Variants in AJAP1 observed in about 807,000 individuals in gnomAD.
AJAP1 encodes the protein adherens junctions associated protein 1, also known as adherens junction-associated protein 1.
In AJAP1, 5 loss-of-function variants were observed where a neutral mutation model predicts 35.0. The observed-to-expected ratio is 0.14, with a 90% confidence interval of 0.07 to 0.30. AJAP1 has a LOEUF of 0.30. Ranked by LOEUF, AJAP1 falls within the 10% of genes least tolerant of loss-of-function variation. AJAP1 has a pLI of 1.00. For synonymous variants in AJAP1, 284 were observed against 249.3 expected (o/e 1.14, Z -1.31); for missense variants, 586 against 571.0 (o/e 1.03, Z -0.27).
In AJAP1 at chr1:4,783,086, A is replaced by C. The variant is rs372689856; in HGVS notation, c.*601A>C. 582 of 366,384 alleles carry C rather than the reference A, an allele frequency of 1.6e-3. 1 individual carries two copies. The highest frequency in any genetic ancestry group is 2.5e-3 in the Non-Finnish European group (512 of 207,962). 22.7% of individuals were successfully genotyped at this position (366,384 alleles called of 1,614,324 possible). ...ACTGTAGCAATTTTTGAAGATCTTA[A>C]ATGTTCCTTTTTAAAAAAAAGAATT... On this transcript the variant is annotated 3_prime_UTR_variant, in exon 6 of 6. Transcript: ENST00000378191.
chr1:4,715,502 G>A (rs1346842633), intron 2 of AJAP1, among the ~76,000 whole-genome samples: 1 of 152,172 alleles, frequency 6.6e-6, no homozygotes, highest in Non-Finnish European at 1.5e-5. Flanking sequence ...TGACCAACAT[G>A]GAGAAACCCT....
chr1:4,712,770 C>A, intron 2 of AJAP1, 71 bp downstream of exon 2: 1 of 1,419,220 alleles, frequency 7.0e-7, no homozygotes, highest in Non-Finnish European at 9.4e-7. Flanking sequence ...GGGAGAGATG[C>A]TTAGATGTCC....
intron 1 of AJAP1, among the ~76,000 whole-genome samples, chr1:4,663,399 C>T (rs1639046634): frequency 6.6e-6 from 1 of 152,086 alleles, no homozygotes; most frequent in African/African-American, 2.4e-5. Flanking sequence ...ACAGAAGGGG[C>T]AGCCCTCAAG....
At chr1:4,668,155 A>G (rs1639176137) in intron 1 of AJAP1, among the ~76,000 whole-genome samples, 4 of 152,000 alleles carry the variant, frequency 2.6e-5, no homozygotes, top group Admixed American at 2.6e-4. Context: ...CAGAGGTTGC[A>G]GTGAGCTGAG....
chr1:4,733,189 C>T (rs551440744), intron 2 of AJAP1, among the ~76,000 whole-genome samples: 69 of 152,122 alleles, frequency 4.5e-4, no homozygotes, highest in Non-Finnish European at 8.2e-4. Context: ...AGCAGAACCC[C>T]CAGGGCTTGG....
chr1:4,688,148 C>T (rs927167577), intron 1 of AJAP1, among the ~76,000 whole-genome samples: 3 of 152,104 alleles, frequency 2.0e-5, no homozygotes, highest in African/African-American at 4.8e-5. Flanking sequence ...GAGCGGTGGC[C>T]CCAGTGAGAC....
Position 4,784,009 on chromosome 1 carries a change from A to G in AJAP1, c.*1524A>G, listed in dbSNP as rs957174913. On this transcript the variant is annotated 3_prime_UTR_variant, in exon 6 of 6. Transcript: ENST00000378191. ...AAGGGTGACTTGGAATCTTGGGGGA[A>G]GCCTCGGCAAAGATGCCGTTCTCCC... The G allele has an allele frequency of 6.6e-6, 1 of 152,146 alleles. No homozygotes were observed. The highest frequency in any genetic ancestry group is 2.4e-5 in the African/African-American group (1 of 41,410). 9.4% of individuals were successfully genotyped at this position (152,146 alleles called of 1,614,324 possible). A position where few individuals can be genotyped will look rare whatever the true frequency, so the allele number is the denominator to read the frequency against.
chr1:4,660,096 AACACCACC>A (rs1469093764), intron 1 of AJAP1, among the ~76,000 whole-genome samples: 1 of 152,242 alleles, frequency 6.6e-6, no homozygotes, highest in Non-Finnish European at 1.5e-5. Flanking sequence ...CCGGACCGGT[AACACCACC>A]ACACCACCAG....
At chr1:4,687,550 A>T (rs1374636118) in intron 1 of AJAP1, among the ~76,000 whole-genome samples, 3 of 152,172 alleles carry the variant, frequency 2.0e-5, no homozygotes, top group Non-Finnish European at 4.4e-5. Context: ...GAGAAGGAAC[A>T]AGGAGTTTCA....
chr1:4,702,940 C>G (rs1348654860), intron 1 of AJAP1, among the ~76,000 whole-genome samples: 1 of 152,134 alleles, frequency 6.6e-6, no homozygotes, highest in African/African-American at 2.4e-5. Flanking sequence ...GCCAGAGATT[C>G]CGCGATGGGA....
intron 1 of AJAP1, among the ~76,000 whole-genome samples, chr1:4,658,348 T>A (rs1015232351): frequency 2.6e-5 from 4 of 152,216 alleles, no homozygotes; most frequent in Non-Finnish European, 5.9e-5. Context: ...GCCCTCTCAG[T>A]GCGCGCTGTA....
intron 2 of AJAP1, among the ~76,000 whole-genome samples, chr1:4,715,242 A>G (rs989619572): frequency 6.6e-6 from 1 of 152,220 alleles, no homozygotes; most frequent in African/African-American, 2.4e-5. Context: ...CAGAGCTGCA[A>G]TCTGGGAGGC....
intron 1 of AJAP1, among the ~76,000 whole-genome samples, chr1:4,674,949 T>C (rs749499994): frequency 7.2e-5 from 11 of 152,254 alleles, no homozygotes; most frequent in Non-Finnish European, 1.5e-4. Context: ...CACGTTGCCA[T>C]GTGGCCATGG....
intron 1 of AJAP1, among the ~76,000 whole-genome samples, chr1:4,670,253 A>G (rs1049973305): frequency 2.0e-5 from 3 of 152,060 alleles, no homozygotes; most frequent in Non-Finnish European, 4.4e-5. Flanking sequence ...CTCCTTACAC[A>G]TCCCCAGGGA....
intron 3 of AJAP1, among the ~76,000 whole-genome samples, 182 bp downstream of exon 3, chr1:4,770,122 G>A (rs531970793): frequency 6.6e-6 from 1 of 152,342 alleles, no homozygotes; most frequent in African/African-American, 2.4e-5. Context: ...CCCTCTCCTG[G>A]TTTCCCTGCA....
rs560292068 is a variant in AJAP1 at position 4,692,169 on chromosome 1, G to A, written c.30-19731G>A. On this transcript the variant is annotated intron_variant, in intron 1 of 5. Coordinates refer to ENST00000378191, the MANE Select transcript of AJAP1 (RefSeq NM_018836.4). The surrounding 1 kb of genome is among the most constrained non-coding windows in gnomAD (Gnocchi z 4.4). Reference sequence around the variant, plus strand: ...TTCTCGAGGGTTAGGAGTCAGCCCCGCTTAATAGGTGAGGAAACTTAGGCA... The same window carrying A: ...TTCTCGAGGGTTAGGAGTCAGCCCCACTTAATAGGTGAGGAAACTTAGGCA... Among the ~76,000 whole-genome samples the A allele has an allele frequency of 7.9e-5, 12 of 152,134 alleles. No individual in the cohort carries two copies. Among genetic ancestry groups the A allele is most frequent in the African/African-American group, 2.7e-4 (11 of 41,438 alleles).
At chr1:4,660,284 CT>C (rs1477986554) in intron 1 of AJAP1, among the ~76,000 whole-genome samples, 9 of 152,218 alleles carry the variant, frequency 5.9e-5, no homozygotes, top group Non-Finnish European at 1.0e-4. Flanking sequence ...CATACTACTA[CT>C]GCTACAGATG....
At chr1:4,766,265 T>G (rs887595335) in intron 2 of AJAP1, among the ~76,000 whole-genome samples, 3 of 152,212 alleles carry the variant, frequency 2.0e-5, no homozygotes, top group Non-Finnish European at 4.4e-5. Flanking sequence ...GAGGCCATAC[T>G]GCCTGTAAAG....
At chr1:4,749,162 C>G (rs770770863) in intron 2 of AJAP1, among the ~76,000 whole-genome samples, 1 of 152,182 alleles carries the variant, frequency 6.6e-6, no homozygotes. Flanking sequence ...AAGGGCCTTC[C>G]GTGAGCTCAC....
Sources: gnomAD v4.1 joint callset for allele counts (sites outside exome capture counted in the v4.1 genomes callset) on GRCh38, gnomAD v4.1.1 for gene constraint, Gnocchi (gnomAD v3.1) non-coding constraint, MANE v1.5 for transcripts, NCBI Gene and HGNC (gene_info 2026-07-23, HGNC 2026-07-21) for gene names.